Variants in CCDC91 observed in about 807,000 individuals in gnomAD.
CCDC91 encodes coiled-coil domain-containing protein 91.
A neutral mutation model predicts 63.2 loss-of-function variants in CCDC91; 48 were observed. That is an observed-to-expected ratio of 0.76 (90% confidence interval 0.60 to 0.97). The LOEUF (loss-of-function observed/expected upper bound fraction) is 0.97. Ranked by LOEUF, CCDC91 falls within the 50% of genes least tolerant of loss-of-function variation. The pLI, the probability that CCDC91 is intolerant of heterozygous loss-of-function variation, is 0.00. For synonymous variants in CCDC91, 167 were observed against 165.8 expected (o/e 1.01, Z -0.06); for missense variants, 500 against 494.6 (o/e 1.01, Z -0.10).
chr12:28,331,281 T>C (rs1340016397), intron 6 of CCDC91, among the ~76,000 whole-genome samples: 1 of 152,208 alleles, frequency 6.6e-6, no homozygotes, highest in Non-Finnish European at 1.5e-5. Flanking sequence ...TTGTGGTTTT[T>C]GAGTTGTCAG....
chr12:28,321,451 G>T (rs1940490546), intron 6 of CCDC91, among the ~76,000 whole-genome samples: 1 of 151,888 alleles, frequency 6.6e-6, no homozygotes. Context: ...TTTGTAGACT[G>T]CTATGGATTG....
chr12:28,474,525 T>G (rs2140733794), intron 11 of CCDC91, among the ~76,000 whole-genome samples: 1 of 152,252 alleles, frequency 6.6e-6, no homozygotes, highest in Admixed American at 6.6e-5. Flanking sequence ...GGTTGTATTT[T>G]AAGCCACTAA....
intron 8 of CCDC91, among the ~76,000 whole-genome samples, chr12:28,393,608 T>C (rs1279162834): frequency 6.6e-6 from 1 of 152,200 alleles, no homozygotes; most frequent in Non-Finnish European, 1.5e-5. Context: ...AGGCACTTTA[T>C]TGAGTTTTTA....
At chr12:28,305,617 CT>C in intron 3 of CCDC91, 31 bp from the exon 4 acceptor site, 1 of 1,582,754 alleles carries the variant, frequency 6.3e-7, no homozygotes, top group South Asian at 1.2e-5. Flanking sequence ...TTTAATAATC[CT>C]ATCCTTTTTG....
intron 8 of CCDC91, among the ~76,000 whole-genome samples, chr12:28,446,918 C>G (rs141153073): frequency 9.8e-5 from 15 of 152,306 alleles, no homozygotes; most frequent in African/African-American, 3.6e-4. Flanking sequence ...AGCAAGGATT[C>G]CTTTCTCCAA....
rs570605538 is a variant in CCDC91 at position 28,286,071 on chromosome 12, A to G, written c.110-19578A>G. Among the ~76,000 whole-genome samples, 365 of 152,074 alleles carry G rather than the reference A, an allele frequency of 2.4e-3. 1 individual carries two copies. The highest frequency in any genetic ancestry group is 4.4e-3 in the Non-Finnish European group (297 of 67,990). On this transcript the variant is annotated intron_variant, in intron 3 of 12. Coordinates refer to ENST00000536442, the MANE Select transcript of CCDC91 (RefSeq NM_018318.5). Reference sequence around the variant, plus strand: ...CAAATCCAAGTTCTTTTTCTACAGTATGCTTTCTAATTGGAAGTGGCTTGA... The same window carrying G: ...CAAATCCAAGTTCTTTTTCTACAGTGTGCTTTCTAATTGGAAGTGGCTTGA...
At chr12:28,306,692 T>C (rs1938769021) in intron 4 of CCDC91, 50 bp from the exon 5 acceptor site, 2 of 1,266,396 alleles carry the variant, frequency 1.6e-6, no homozygotes, top group Non-Finnish European at 1.1e-6. Flanking sequence ...TCATTATTGG[T>C]ATAGTGTAAA....
chr12:28,226,410 A>G (rs1226938948), intron 1 of CCDC91, among the ~76,000 whole-genome samples: 3 of 152,156 alleles, frequency 2.0e-5, no homozygotes, highest in African/African-American at 4.8e-5. Flanking sequence ...TCTATGACAT[A>G]TGTTAGATCT....
intron 6 of CCDC91, among the ~76,000 whole-genome samples, chr12:28,342,985 A>G (rs556428005): frequency 3.1e-4 from 47 of 152,226 alleles, no homozygotes; most frequent in African/African-American, 1.1e-3. Context: ...AACCTTAGAT[A>G]TTCCTCTTAG....
chr12:28,217,164 A>G (rs182304325), intron 1 of CCDC91, among the ~76,000 whole-genome samples: 2 of 152,292 alleles, frequency 1.3e-5, no homozygotes, highest in African/African-American at 2.4e-5. Context: ...AATGAGCAAG[A>G]TGGTAGTATT....
intron 1 of CCDC91, among the ~76,000 whole-genome samples, chr12:28,235,192 A>G (rs1254820348): frequency 1.3e-5 from 2 of 152,178 alleles, no homozygotes; most frequent in Non-Finnish European, 2.9e-5. Context: ...AAAATGGCAC[A>G]TATCTCACCC....
chr12:28,537,337 ACT>A (rs1288979496), intron 12 of CCDC91, among the ~76,000 whole-genome samples: 1 of 152,022 alleles, frequency 6.6e-6, no homozygotes, highest in Non-Finnish European at 1.5e-5. Flanking sequence ...CTCTTCATAG[ACT>A]CTTAAGCTAT....
intron 12 of CCDC91, among the ~76,000 whole-genome samples, chr12:28,510,286 C>G (rs987429867): frequency 2.5e-5 from 3 of 120,194 alleles, no homozygotes; most frequent in African/African-American, 5.4e-5. Context: ...AAAGGACTGG[C>G]TGTCATGATT....
intron 3 of CCDC91, among the ~76,000 whole-genome samples, chr12:28,290,966 G>C (rs749509917): frequency 1.3e-5 from 2 of 152,134 alleles, no homozygotes; most frequent in African/African-American, 2.4e-5. Context: ...TTCTTTATAT[G>C]AAGGTATTTC....
chr12:28,335,262 AATATATAATATATAATACATATT>A (rs1565815276), intron 6 of CCDC91, among the ~76,000 whole-genome samples: 6 of 125,862 alleles, frequency 4.8e-5, no homozygotes, highest in African/African-American at 1.7e-4. Flanking sequence ...TAATACATAT[AATATATAATATATAATACATATT>A]ATATATAATA....
chr12:28,293,317 G>T (rs1367220829), intron 3 of CCDC91, among the ~76,000 whole-genome samples: 1 of 152,146 alleles, frequency 6.6e-6, no homozygotes, highest in Non-Finnish European at 1.5e-5. Flanking sequence ...TTCAAAGAAA[G>T]AGAAGAAAGA....
intron 1 of CCDC91, among the ~76,000 whole-genome samples, chr12:28,209,493 G>A (rs1041351874): frequency 6.6e-6 from 1 of 151,992 alleles, no homozygotes; most frequent in African/African-American, 2.4e-5. Flanking sequence ...CGCCCGTGGT[G>A]TGATCTCGGC....
chr12:28,349,391 T>C (rs575205635), intron 6 of CCDC91, among the ~76,000 whole-genome samples: 25 of 152,328 alleles, frequency 1.6e-4, no homozygotes, highest in Non-Finnish European at 3.1e-4. Context: ...TGTATAGTTA[T>C]AATGACGAGG....
chr12:28,492,726 A>C (rs997937928), intron 12 of CCDC91, among the ~76,000 whole-genome samples: 12 of 151,806 alleles, frequency 7.9e-5, no homozygotes, highest in African/African-American at 2.9e-4. Context: ...TGGCCAAGAG[A>C]ACAGCCCACA....
Sources: gnomAD v4.1 joint callset for allele counts (sites outside exome capture counted in the v4.1 genomes callset) on GRCh38, gnomAD v4.1.1 for gene constraint, MANE v1.5 for transcripts, NCBI Gene and HGNC (gene_info 2026-07-23, HGNC 2026-07-21) for gene names.